COL4A2: variants seen among roughly 807,000 people sequenced by gnomAD.
COL4A2 encodes collagen alpha-2(IV) chain.
COL4A2 carries 99 observed loss-of-function variants against 200.2 expected under a neutral mutation model. The observed-to-expected ratio is 0.49, with a 90% CI of 0.42 to 0.58. The LOEUF (loss-of-function observed/expected upper bound fraction) is 0.58. Ranked by LOEUF, COL4A2 falls within the 20% of genes least tolerant of loss-of-function variation. COL4A2 has a pLI of 0.00. For synonymous variants in COL4A2, 897 were observed against 900.6 expected (o/e 1.00, Z 0.07); for missense variants, 1,950 against 2,314.1 (o/e 0.84, Z 3.23).
intron 6 of COL4A2, 78 bp from the exon 7 acceptor site, chr13:110,428,389 A>G: frequency 1.2e-6 from 1 of 825,874 alleles, no homozygotes; most frequent in South Asian, 1.6e-5. Flanking sequence ...ATGAGAATAT[A>G]AGACTGTTTT....
At chr13:110,376,429 T>C (rs186576314) in intron 4 of COL4A2, among the ~76,000 whole-genome samples, 1 of 152,230 alleles carries the variant, frequency 6.6e-6, no homozygotes, top group Admixed American at 6.5e-5. Context: ...ATTTGTATTC[T>C]TGGTAGATGA....
chr13:110,484,759 G>C lies in COL4A2; in HGVS notation c.2903-146G>C. The C allele has an allele frequency of 8.4e-6, 10 of 1,189,922 alleles. No individual in the cohort carries two copies. In the South Asian group the frequency reaches 2.3e-4, roughly 27 times the overall value. 73.7% of individuals were successfully genotyped at this position (1,189,922 alleles called of 1,614,324 possible). A position where few individuals can be genotyped will look rare whatever the true frequency, so the allele number is the denominator to read the frequency against. ...AACTACTCCGATGGACACAGGAGAG[G>C]CTTCTCCGGCGCCCTTGGTCTCTCT... On this transcript the variant is annotated intron_variant, in intron 32 of 47. Coordinates refer to ENST00000360467, the MANE Select transcript of COL4A2 (RefSeq NM_001846.4).
intron 20 of COL4A2, among the ~76,000 whole-genome samples, chr13:110,454,347 A>G (rs2139485670): frequency 6.6e-6 from 1 of 152,342 alleles, no homozygotes; most frequent in South Asian, 2.1e-4. Flanking sequence ...CTTTAGGACT[A>G]AATTTGCAAA....
chr13:110,478,198 T>C (rs2139519418), intron 30 of COL4A2, 34 bp downstream of exon 30: 1 of 1,488,872 alleles, frequency 6.7e-7, no homozygotes, highest in African/African-American at 1.4e-5. Flanking sequence ...ACGAGTGGGG[T>C]CCTCACTGGT....
chr13:110,331,449 C>T (rs777535248), intron 3 of COL4A2, among the ~76,000 whole-genome samples: 21 of 152,308 alleles, frequency 1.4e-4, no homozygotes, highest in South Asian at 4.2e-4. Context: ...GGAGAGCAGC[C>T]GGCCGTGGCT....
At chr13:110,427,675 C>T (rs61963224) in intron 6 of COL4A2, among the ~76,000 whole-genome samples, 1 of 152,158 alleles carries the variant, frequency 6.6e-6, no homozygotes, top group South Asian at 2.1e-4. Context: ...AGATTATTAA[C>T]CCAGCCCCTG....
At chr13:110,314,521 T>G (rs1253254305) in intron 3 of COL4A2, among the ~76,000 whole-genome samples, 1 of 151,934 alleles carries the variant, frequency 6.6e-6, no homozygotes, top group Non-Finnish European at 1.5e-5. Context: ...TGGCCGTGGG[T>G]GGAGTCATTT....
Position 110,473,200 on chromosome 13 carries a change from C to T in COL4A2, c.2425+50C>T. 2.0e-6 allele frequency: 3 copies of T among 1,517,444 alleles called. No individual in the cohort carries two copies. In the East Asian group the frequency reaches 7.4e-5, roughly 37 times the overall value. The allele number at this position is 1,517,444 out of a possible 1,614,324, so 94.0% of individuals were successfully genotyped here. On this transcript the variant is annotated intron_variant, in intron 29 of 47. Coordinates refer to ENST00000360467, the MANE Select transcript of COL4A2 (RefSeq NM_001846.4). The stretch of plus-strand genomic sequence containing the variant: ...GGGCCCCATCCCAGATGCACAGTGG[C>T]CTCCAAGGGCGACCCCAATCCCTTC...
intron 3 of COL4A2, among the ~76,000 whole-genome samples, chr13:110,327,020 CAG>C (rs912104297): frequency 3.9e-5 from 6 of 152,252 alleles, no homozygotes; most frequent in Admixed American, 1.3e-4. Context: ...ATTAGCGACT[CAG>C]AGTCACAACC....
intron 4 of COL4A2, among the ~76,000 whole-genome samples, chr13:110,409,535 C>T (rs915570745): frequency 1.3e-5 from 2 of 152,256 alleles, no homozygotes; most frequent in Non-Finnish European, 2.9e-5. Context: ...TTGTTGCCTT[C>T]TATTTCGTGG....
intron 4 of COL4A2, among the ~76,000 whole-genome samples, chr13:110,401,342 A>G (rs1879363052): frequency 6.6e-6 from 1 of 152,248 alleles, no homozygotes; most frequent in South Asian, 2.1e-4. Flanking sequence ...AAAATGAAGA[A>G]GAGTAGTTAA....
rs918593113 is a variant in COL4A2 at position 110,325,788 on chromosome 13, C to A, written c.99+17665C>A. On this transcript the variant is annotated intron_variant, in intron 3 of 47. Coordinates refer to ENST00000360467, the MANE Select transcript of COL4A2 (RefSeq NM_001846.4). ...ATGAATGTGTCCTGTTCCTGAATTT[C>A]TTTTTTTTTTTTTTAGACGGAGTCT... is the stretch of plus-strand genomic sequence containing the variant. 7.9e-4 allele frequency among the ~76,000 whole-genome samples: 113 copies of A among 143,928 alleles called. 1 individual carries two copies. Among genetic ancestry groups the A allele is most frequent in the African/African-American group, 2.7e-3 (108 of 39,332 alleles). 94.4% of individuals were successfully genotyped at this position (143,928 alleles called of 152,430 possible).
At chr13:110,437,873 T>A in intron 13 of COL4A2, 129 bp from the exon 14 acceptor site, 3 of 792,166 alleles carry the variant, frequency 3.8e-6, no homozygotes. Flanking sequence ...TCATGTGTTG[T>A]AATCAATTTA....
chr13:110,396,257 T>C (rs1438638266), intron 4 of COL4A2, among the ~76,000 whole-genome samples: 1 of 152,242 alleles, frequency 6.6e-6, no homozygotes, highest in Non-Finnish European at 1.5e-5. Context: ...TAAATGTGAA[T>C]CTGACTCTGG....
chr13:110,345,726 G>A (rs1876669211), intron 3 of COL4A2, among the ~76,000 whole-genome samples: 3 of 152,178 alleles, frequency 2.0e-5, no homozygotes, highest in South Asian at 4.1e-4. Context: ...TATTAGGGGT[G>A]GAGAAGGACA....
intron 4 of COL4A2, among the ~76,000 whole-genome samples, chr13:110,407,250 G>A (rs1007825734): frequency 3.9e-5 from 6 of 152,216 alleles, no homozygotes; most frequent in African/African-American, 7.2e-5. Flanking sequence ...TGCAGGAAAC[G>A]GCTTGGAGAA....
intron 27 of COL4A2, 98 bp from the exon 28 acceptor site, chr13:110,469,119 G>T (rs754054657): frequency 7.3e-7 from 1 of 1,365,042 alleles, no homozygotes; most frequent in South Asian, 1.3e-5. Context: ...ATCATTTCCC[G>T]GTTTCATGAG....
At chr13:110,457,696 G>A (rs751387986) in intron 21 of COL4A2, 2 of 626,724 alleles carry the variant, frequency 3.2e-6, no homozygotes, top group South Asian at 3.0e-5. Flanking sequence ...CCTAGCAGCA[G>A]TGAGCCTGAT....
At chr13:110,403,841 T>C (rs892042519) in intron 4 of COL4A2, among the ~76,000 whole-genome samples, 4 of 152,104 alleles carry the variant, frequency 2.6e-5, no homozygotes, top group African/African-American at 9.7e-5. Context: ...ACCTTAAGAG[T>C]AGGTGATTTA....
Sources: gnomAD v4.1 joint callset for allele counts (sites outside exome capture counted in the v4.1 genomes callset) on GRCh38, gnomAD v4.1.1 for gene constraint, MANE v1.5 for transcripts, NCBI Gene and HGNC (gene_info 2026-07-23, HGNC 2026-07-21) for gene names.